Variants in ATRNL1 observed in about 807,000 individuals in gnomAD.
The protein encoded by ATRNL1 is attractin-like protein 1.
A neutral mutation model predicts 182.7 loss-of-function variants in ATRNL1; 95 were observed. The ratio of observed to expected loss-of-function variants is 0.52; its 90% CI spans 0.44 to 0.62. The LOEUF is 0.62. Among genes scored for constraint, ATRNL1 ranks in the 20% least tolerant of loss-of-function variants. The pLI is 0.00. For synonymous variants in ATRNL1, 576 were observed against 568.3 expected, an observed-to-expected ratio of 1.01 and a Z score of -0.19; for missense variants, 1,471 against 1,679.5, an observed-to-expected ratio of 0.88 and a Z score of 2.17.
intron 9 of ATRNL1, chr10:115,220,282 T>C (rs1215761374): frequency 6.6e-6 from 1 of 152,214 alleles, no homozygotes; most frequent in Admixed American, 6.5e-5. Context: ...ACAGACCCAT[T>C]TGATGAAGTG....
In ATRNL1 at chr10:115,171,038, A is replaced by G. The variant is rs1847269273; in HGVS notation, c.1094A>G (p.Glu365Gly). ...TAATATATGTATTTTAATTTACAGGAAAACATCTTTATGTATGGAGGCAGA... is the reference window on the plus strand; with the variant it reads ...TAATATATGTATTTTAATTTACAGGGAAACATCTTTATGTATGGAGGCAGA... ...RYGHSLALYQ[E>G]NIFMYGGRIE... The change falls in exon 8 of 29, where the codon GAA becomes GGA. Residue 365 changes from glutamate (E) to glycine (G), a missense_variant and splice_region_variant. By Grantham distance (98) the Glu-to-Gly change is moderately conservative. Transcript: ENST00000355044. 1.3e-6 allele frequency: 2 copies of G among 1,526,360 alleles called. No individual in the cohort carries two copies. The highest frequency in any genetic ancestry group is 2.7e-5 in the South Asian group (2 of 74,306). The allele number at this position is 1,526,360 out of a possible 1,614,324, so 94.6% of individuals were successfully genotyped here.
In ATRNL1 at chr10:115,547,076, A is replaced by G. The variant is rs148053713; in HGVS notation, c.3717-2382A>G. ...CGAGTGCAGCCTGGCCAACATGGTG[A>G]AACCCCATCTCTACTAAAAATACAA... On this transcript the variant is annotated intron_variant, in intron 25 of 28. Transcript: ENST00000355044. Among the ~76,000 whole-genome samples the G allele has an allele frequency of 4.4e-3, 662 of 152,004 alleles. 5 individuals are homozygous for G. Among genetic ancestry groups the G allele is most frequent in the Admixed American group, 5.3e-3 (81 of 15,266 alleles).
intron 8 of ATRNL1, among the ~76,000 whole-genome samples, chr10:115,193,461 G>C (rs1420876803): frequency 6.6e-6 from 1 of 151,874 alleles, no homozygotes; most frequent in Non-Finnish European, 1.5e-5. Context: ...TTGGTATGTT[G>C]CAAGTAATGT....
rs182831034 is a variant in ATRNL1, at chr10:115,867,820, C to T, written c.4018+19829C>T. Among the ~76,000 whole-genome samples the T allele has an allele frequency of 1.9e-3, 288 of 151,966 alleles. 2 individuals carry two copies. The highest frequency in any genetic ancestry group is 6.4e-3 in the African/African-American group (267 of 41,444). The stretch of plus-strand genomic sequence containing the variant: ...TGGCACGATCTTGGCTCACTGCAAC[C>T]TCCACCTCCCGGTTCAAGTGATTCT... On this transcript the variant is annotated intron_variant, in intron 28 of 28. Coordinates refer to ENST00000355044, the MANE Select transcript of ATRNL1 (RefSeq NM_207303.4).
At chr10:115,211,213 T>A (rs1849010379) in intron 8 of ATRNL1, among the ~76,000 whole-genome samples, 1 of 151,756 alleles carries the variant, frequency 6.6e-6, no homozygotes, top group African/African-American at 2.4e-5. Context: ...TTTTAACCAT[T>A]ATTTAAAGAG....
chr10:115,531,741 C>G (rs1322804640), intron 25 of ATRNL1, among the ~76,000 whole-genome samples: 1,690 of 150,862 alleles, frequency 0.011, 24 homozygotes, highest in African/African-American at 0.038. Context: ...AGGTTTTCTT[C>G]TAGGGTTTTT....
intron 26 of ATRNL1, among the ~76,000 whole-genome samples, chr10:115,593,451 T>C (rs2769402): frequency 0.47 from 71,998 of 151,610 alleles, 18,494 homozygotes; most frequent in East Asian, 0.84. Flanking sequence ...CATTTATGGC[T>C]AACTGATCTT....
intron 27 of ATRNL1, among the ~76,000 whole-genome samples, chr10:115,803,391 GAAAT>G (rs1555084862): frequency 1.3e-5 from 2 of 152,020 alleles, no homozygotes; most frequent in Non-Finnish European, 2.9e-5. Flanking sequence ...AGCCATTTCT[GAAAT>G]ATGAATAAGG....
intron 4 of ATRNL1, chr10:115,128,370 A>G (rs1473806870): frequency 3.3e-6 from 1 of 300,708 alleles, no homozygotes; most frequent in Non-Finnish European, 4.9e-6. Context: ...GAATGGCTAG[A>G]GAGGAAGTCT....
intron 26 of ATRNL1, among the ~76,000 whole-genome samples, chr10:115,678,464 G>T (rs566088862): frequency 1.3e-5 from 2 of 151,976 alleles, no homozygotes; most frequent in African/African-American, 4.8e-5. Context: ...ATTAAACTCC[G>T]AAGAAAAGTA....
chr10:115,622,761 A>C (rs946872638), intron 26 of ATRNL1, among the ~76,000 whole-genome samples: 4 of 152,120 alleles, frequency 2.6e-5, no homozygotes, highest in Non-Finnish European at 4.4e-5. Context: ...CCCCGTCTCT[A>C]CTAAAAATAC....
intron 28 of ATRNL1, among the ~76,000 whole-genome samples, chr10:115,915,330 G>A (rs1952814508): frequency 6.6e-6 from 1 of 151,972 alleles, no homozygotes; most frequent in African/African-American, 2.4e-5. Context: ...CCTGGGGGGC[G>A]GAGCTTGCAG....
chr10:115,426,926 C>G (rs1330858763), intron 21 of ATRNL1, among the ~76,000 whole-genome samples: 1 of 152,056 alleles, frequency 6.6e-6, no homozygotes, highest in Non-Finnish European at 1.5e-5. Context: ...GGTTTTGCCA[C>G]GTTGGTCAGG....
At chr10:115,847,174 A>G (rs542029328) in intron 27 of ATRNL1, among the ~76,000 whole-genome samples, 1 of 152,128 alleles carries the variant, frequency 6.6e-6, no homozygotes, top group African/African-American at 2.4e-5. Flanking sequence ...AGTCAAAGAC[A>G]TAGAAACAGA....
intron 8 of ATRNL1, among the ~76,000 whole-genome samples, chr10:115,208,108 T>C (rs1554894209): frequency 1.3e-5 from 2 of 152,072 alleles, no homozygotes; most frequent in African/African-American, 4.8e-5. Flanking sequence ...GTGCTAATTC[T>C]GTTAAATGTA....
At chr10:115,624,336 A>C (rs917953701) in intron 26 of ATRNL1, among the ~76,000 whole-genome samples, 1 of 152,152 alleles carries the variant, frequency 6.6e-6, no homozygotes, top group African/African-American at 2.4e-5. Context: ...AATATTAAAC[A>C]GTATTTTATT....
intron 21 of ATRNL1, among the ~76,000 whole-genome samples, chr10:115,446,698 G>C (rs1411553734): frequency 4.6e-5 from 7 of 151,912 alleles, no homozygotes; most frequent in African/African-American, 1.7e-4. Flanking sequence ...TTGGAATTTG[G>C]AGCCTGAAGT....
intron 25 of ATRNL1, among the ~76,000 whole-genome samples, chr10:115,548,373 A>G (rs1054590885): frequency 3.9e-5 from 6 of 152,210 alleles, no homozygotes; most frequent in Non-Finnish European, 8.8e-5. Context: ...AATATATTGA[A>G]GACTTGACAA....
intron 25 of ATRNL1, among the ~76,000 whole-genome samples, chr10:115,526,148 A>C (rs570759811): frequency 5.9e-5 from 9 of 152,170 alleles, no homozygotes; most frequent in Non-Finnish European, 1.3e-4. Flanking sequence ...AGAAGCATTC[A>C]TTCATATATT....
Sources: gnomAD v4.1 joint callset for allele counts (sites outside exome capture counted in the v4.1 genomes callset) on GRCh38, gnomAD v4.1.1 for gene constraint, MANE v1.5 for transcripts, NCBI Gene and HGNC (gene_info 2026-07-23, HGNC 2026-07-21) for gene names.